The following FDX2 variants were observed in gnomAD, a reference collection of about 807,000 sequenced individuals.
FDX2 encodes ferredoxin 2.
In FDX2, 13 loss-of-function variants were observed where a neutral mutation model predicts 18.5. The ratio of observed to expected loss-of-function variants is 0.70; its 90% CI spans 0.46 to 1.12. The LOEUF (loss-of-function observed/expected upper bound fraction) is 1.12. Ranked by LOEUF, FDX2 falls within the 50% of genes most tolerant of loss-of-function variation. The pLI is 0.00. For missense variants in FDX2, 238 were observed against 250.4 expected, an observed-to-expected ratio of 0.95 and a Z score of 0.34; for synonymous variants, 132 against 106.2, an observed-to-expected ratio of 1.24 and a Z score of -1.49.
Position 10,315,756 on chromosome 19 carries a change from G to C in FDX2, c.158C>G (p.Ser53Trp). 1.9e-6 allele frequency: 3 copies of C among 1,594,102 alleles called. No homozygotes were observed. Among genetic ancestry groups the C allele is most frequent in the Non-Finnish European group, 2.6e-6 (3 of 1,171,254 alleles). The change falls in exon 2 of 5, where the codon TCG becomes TGG. Residue 53 changes from serine (S) to tryptophan (W), a missense_variant. By Grantham distance (177) the Ser-to-Trp change is radical. Transcript: ENST00000393708. ...CGCGTCCTCCTCTCCAGCCGGGCGC[G>C]AGCCTGGAAAACACGGTTCGGTGAG... is the stretch of plus-strand genomic sequence containing the variant.
chr19:10,315,339 G>C, intron 3 of FDX2, 47 bp downstream of exon 3: 1 of 320,650 alleles, frequency 3.1e-6, no homozygotes, highest in Non-Finnish European at 4.8e-6. Context: ...TTTTTTTTTT[G>C]GACAAATGTA....
At chr19:10,311,008 C>A (rs1247928015) in intron 3 of FDX2, 68 bp from the exon 4 acceptor site, 1 of 1,186,402 alleles carries the variant, frequency 8.4e-7, no homozygotes, top group South Asian at 1.4e-5. Flanking sequence ...ATGCGAATGG[C>A]GTAGAGGAGT....
In FDX2 at chr19:10,310,196, G is replaced by A; in HGVS notation, c.*290C>T. On this transcript the variant is annotated 3_prime_UTR_variant, in exon 5 of 5. Transcript: ENST00000393708. Reference sequence around the variant, plus strand: ...TGTAGACCCCAGATCTGTCCCCCAAGGACACTCAACATGCTGGGGCCTGTG... The same window carrying A: ...TGTAGACCCCAGATCTGTCCCCCAAAGACACTCAACATGCTGGGGCCTGTG... 2 of 446,764 alleles carry A rather than the reference G, an allele frequency of 4.5e-6. No individual in the cohort carries two copies. Among genetic ancestry groups the A allele is most frequent in the East Asian group, 8.2e-5 (2 of 24,392 alleles). The allele number at this position is 446,764 out of a possible 1,614,324, so 27.7% of individuals were successfully genotyped here. A position where few individuals can be genotyped will look rare whatever the true frequency, so the allele number is the denominator to read the frequency against.
intron 3 of FDX2, among the ~76,000 whole-genome samples, chr19:10,314,227 G>T (rs569223563): frequency 6.6e-6 from 1 of 152,018 alleles, no homozygotes; most frequent in East Asian, 1.9e-4. Context: ...CAAGTGAGTC[G>T]CCTGCCTCGG....
chr19:10,314,497 G>A (rs535805651), intron 3 of FDX2, among the ~76,000 whole-genome samples: 1 of 151,774 alleles, frequency 6.6e-6, no homozygotes, highest in South Asian at 2.1e-4. Flanking sequence ...GAACCCAGGA[G>A]TTCAAGGCTG....
intron 2 of FDX2, 56 bp downstream of exon 2, chr19:10,315,649 G>C (rs2040374784): frequency 2.0e-6 from 3 of 1,537,580 alleles, no homozygotes; most frequent in South Asian, 2.4e-5. Context: ...GGGCAAGATG[G>C]GGACCAGAGG....
At chr19:10,310,694 T>TG in intron 4 of FDX2, 52 bp from the exon 5 acceptor site, 1 of 268,742 alleles carries the variant, frequency 3.7e-6, no homozygotes, top group Non-Finnish European at 5.8e-6. Context: ...GCTGGGTGGG[T>TG]GGGGGGCCAG....
At chr19:10,311,020 G>C in intron 3 of FDX2, 80 bp from the exon 4 acceptor site, 2 of 1,028,320 alleles carry the variant, frequency 1.9e-6, no homozygotes, top group Non-Finnish European at 2.9e-6. Flanking sequence ...TAGAGGAGTA[G>C]ACCTCTCTTC....
At chr19:10,311,866 ATTTT>A (rs34531286) in intron 3 of FDX2, among the ~76,000 whole-genome samples, 13 of 97,258 alleles carry the variant, frequency 1.3e-4, no homozygotes, top group Admixed American at 3.8e-4. Context: ...CACCTGGCTA[ATTTT>A]TTTTTTTTTT....
At position 10,310,365 on chromosome 19, in the gene FDX2, T is replaced by C; in HGVS notation, c.*121A>G. 1 of 1,366,356 alleles carries C rather than the reference T, an allele frequency of 7.3e-7. No homozygotes were observed. Among genetic ancestry groups the C allele is most frequent in the Admixed American group, 2.1e-5 (1 of 47,282 alleles). 84.6% of individuals were successfully genotyped at this position (1,366,356 alleles called of 1,614,324 possible). A position where few individuals can be genotyped will look rare whatever the true frequency, so the allele number is the denominator to read the frequency against. ...TCTCTCCCAAGCAGGGGTGTTGTCCTTCACAGGGGCTTCCACGTCTCTCCC... is the reference window on the plus strand; with the variant it reads ...TCTCTCCCAAGCAGGGGTGTTGTCCCTCACAGGGGCTTCCACGTCTCTCCC... On this transcript the variant is annotated 3_prime_UTR_variant, in exon 5 of 5. Coordinates refer to ENST00000393708, the MANE Select transcript of FDX2 (RefSeq NM_001031734.4).
At chr19:10,311,794 G>A (rs933615077) in intron 3 of FDX2, among the ~76,000 whole-genome samples, 7 of 146,238 alleles carry the variant, frequency 4.8e-5, no homozygotes, top group Non-Finnish European at 6.0e-5. Context: ...TCAACCTCCC[G>A]GCTCAAGCGA....
Position 10,310,576 on chromosome 19 carries a change from C to T in FDX2, c.471G>A (p.Val157=), listed in dbSNP as rs1219130351. ...CCGCTCCTTCCAGCTCCGGTGTCAG[C>T]ACAATCTGGCAGCCCAGCCGCGAGT... The change falls in exon 5 of 5, where the codon GTG becomes GTA. Residue 157 remains valine, a synonymous_variant. Transcript: ENST00000393708. 6.2e-7 allele frequency: 1 copy of T among 1,614,092 alleles called. No individual in the cohort carries two copies. Among genetic ancestry groups the T allele is most frequent in the Admixed American group, 1.7e-5 (1 of 59,998 alleles).
At chr19:10,312,424 C>T (rs1056507295) in intron 3 of FDX2, among the ~76,000 whole-genome samples, 3 of 152,116 alleles carry the variant, frequency 2.0e-5, no homozygotes, top group African/African-American at 7.2e-5. Flanking sequence ...GGATCATGTC[C>T]CTCCTGGCCT....
At chr19:10,311,703 ATTT>A (rs35145849) in intron 3 of FDX2, among the ~76,000 whole-genome samples, 10 of 116,858 alleles carry the variant, frequency 8.6e-5, no homozygotes, top group Non-Finnish European at 7.1e-5. Flanking sequence ...CCCGGCCAGG[ATTT>A]TTTTTTTTTT....
chr19:10,310,852 C>T lies in FDX2; in HGVS notation c.404+1G>A. 6.2e-7 allele frequency: 1 copy of T among 1,613,494 alleles called. No homozygotes were observed. The highest frequency in any genetic ancestry group is 8.5e-7 in the Non-Finnish European group (1 of 1,179,738). On this transcript the variant is annotated splice_donor_variant, in intron 4 of 4. Coordinates refer to ENST00000393708, the MANE Select transcript of FDX2 (RefSeq NM_001031734.4). LOFTEE classifies it high-confidence loss of function. ...CAGCTAGACAGGGCTGACCCACTCA[C>T]CTCTCCTCGGGAGGAGGCAGGAGAT...
intron 3 of FDX2, among the ~76,000 whole-genome samples, chr19:10,313,669 ATATTTTTTTTTTTTT>A (rs2040347827): frequency 2.3e-5 from 1 of 43,206 alleles, no homozygotes; most frequent in Non-Finnish European, 3.9e-5. Context: ...ATATATATAT[ATATTTTTTTTTTTTT>A]TTTTTTTTTT....
Position 10,315,920 on chromosome 19 carries a change from C to G in FDX2, c.86G>C (p.Arg29Thr). The change falls in exon 1 of 5, where the codon AGA becomes ACA. Residue 29 changes from arginine to threonine, a missense_variant. Physicochemically the swap from Arg to Thr is moderately conservative, Grantham distance 71. Transcript: ENST00000393708. Reference sequence around the variant, plus strand: ...CCCCGACCCGGAAGTGCCCCCAGGTCTGTTCCACCAGGTGCCCCTGGCAGC... The same window carrying G: ...CCCCGACCCGGAAGTGCCCCCAGGTGTGTTCCACCAGGTGCCCCTGGCAGC... The G allele has an allele frequency of 2.5e-6, 4 of 1,594,184 alleles. No individual in the cohort carries two copies. The highest frequency in any genetic ancestry group is 2.6e-6 in the Non-Finnish European group (3 of 1,169,828).
intron 1 of FDX2, 41 bp from the exon 2 acceptor site, chr19:10,315,800 C>A: frequency 6.2e-7 from 1 of 1,600,416 alleles, no homozygotes; most frequent in Admixed American, 1.8e-5. Flanking sequence ...CCGAGCCCCG[C>A]CCCGCCGGCA....
At chr19:10,312,874 T>C (rs1321675840) in intron 3 of FDX2, among the ~76,000 whole-genome samples, 4 of 152,070 alleles carry the variant, frequency 2.6e-5, no homozygotes, top group Non-Finnish European at 4.4e-5. Flanking sequence ...CAGTGGCTCA[T>C]GTCTGTAATC....
Sources: allele counts gnomAD v4.1 joint callset (sites outside exome capture counted in the v4.1 genomes callset), GRCh38; gene constraint gnomAD v4.1.1; transcripts MANE v1.5; gene names NCBI Gene and HGNC (gene_info 2026-07-23, HGNC 2026-07-21).